The following KIFC3 variants were observed in gnomAD, a reference collection of about 807,000 sequenced individuals.
KIFC3 encodes kinesin family member C3.
In KIFC3, 60 loss-of-function variants were observed where a neutral mutation model predicts 101.8. The observed-to-expected ratio is 0.59, with a 90% confidence interval of 0.48 to 0.73. The LOEUF (loss-of-function observed/expected upper bound fraction) is 0.73. KIFC3 is among the 30% of genes least tolerant of loss of function. The pLI is 0.00. For synonymous variants in KIFC3, 476 were observed against 482.7 expected (o/e 0.99, Z 0.18); for missense variants, 966 against 1,137.1 (o/e 0.85, Z 2.16).
intron 9 of KIFC3, among the ~76,000 whole-genome samples, chr16:57,768,531 A>ACACACACACACACACACACG (rs2050755124): frequency 1.3e-5 from 2 of 151,718 alleles, no homozygotes; most frequent in Admixed American, 6.6e-5. Context: ...ACACACACAC[A>ACACACACACACACACACACG]CACACGCACA....
chr16:57,782,644 T>C (rs1320170910), intron 3 of KIFC3, among the ~76,000 whole-genome samples: 1 of 152,108 alleles, frequency 6.6e-6, no homozygotes. Context: ...AGAGCTGCAG[T>C]CAGAAGGTTC....
rs1555593770 is a variant in KIFC3 at position 57,759,736 on chromosome 16, T to C, written c.2468A>G (p.Gln823Arg). 9 of 1,609,376 alleles carry C rather than the reference T, an allele frequency of 5.6e-6. No homozygotes were observed. The highest frequency in any genetic ancestry group is 6.8e-6 in the Non-Finnish European group (8 of 1,177,920). Residue 823 changes from glutamine to arginine, a missense_variant, in exon 18 of 20, where the codon CAG becomes CGG. Transcript: ENST00000445690. ...SRPGSIRRKL[Q>R]PSA Reference sequence around the variant, plus strand: ...TGCCACTCCAGGCTCACCCGAGGGCTGCAGCTTCCTCCGGATGGATCCAGG... The same window carrying C: ...TGCCACTCCAGGCTCACCCGAGGGCCGCAGCTTCCTCCGGATGGATCCAGG...
rs1020615456 is a variant in KIFC3, at chr16:57,798,268, G to C, written c.-25C>G. ...TGGCCTGGGGCTCAGCAGCCTCCTCGGGGCACCAGGCAGCCTGCGGAGAGA... is the reference window on the plus strand; with the variant it reads ...TGGCCTGGGGCTCAGCAGCCTCCTCCGGGCACCAGGCAGCCTGCGGAGAGA... On this transcript the variant is annotated 5_prime_UTR_variant, in exon 2 of 20. Transcript: ENST00000445690. The C allele has an allele frequency of 1.9e-6, 3 of 1,550,326 alleles. No homozygotes were observed. The highest frequency in any genetic ancestry group is 2.4e-5 in the East Asian group (1 of 41,486).
chr16:57,815,731 C>T (rs1555628654), intron 1 of KIFC3: 16 of 1,132,166 alleles, frequency 1.4e-5, no homozygotes, highest in Non-Finnish European at 1.7e-5. Context: ...CTCAACTCCA[C>T]CCAGCCATGG....
In KIFC3 at chr16:57,759,171, G is replaced by C; in HGVS notation, c.2477-18C>G. 1 of 1,550,942 alleles carries C rather than the reference G, an allele frequency of 6.4e-7. No individual in the cohort carries two copies. The highest frequency in any genetic ancestry group is 2.4e-5 in the East Asian group (1 of 40,918). ...CCGTCAGGCTGAAATCAAAGTGACA[G>C]GCGTCTCACTGGTGGGCTTGCCTTG... On this transcript the variant is annotated intron_variant, in intron 18 of 19. Coordinates refer to ENST00000445690, the MANE Select transcript of KIFC3 (RefSeq NM_001130100.2).
intron 3 of KIFC3, chr16:57,774,725 C>T (rs2051808873): frequency 8.2e-6 from 4 of 485,976 alleles, no homozygotes; most frequent in Non-Finnish European, 1.4e-5. Context: ...AAGGGTCTTG[C>T]CATTTTGCCC....
At chr16:57,860,022 A>AAAAAATAAAATAAATAAAAT (rs2056260237) in intron 1 of KIFC3, among the ~76,000 whole-genome samples, 1 of 86,852 alleles carries the variant, frequency 1.2e-5, no homozygotes, top group Admixed American at 1.2e-4. Context: ...ACTCTGTCTC[A>AAAAAATAAAATAAATAAAAT]AAAATAAAAT....
At chr16:57,808,788 A>C (rs2055002345) in intron 1 of KIFC3, among the ~76,000 whole-genome samples, 1 of 152,124 alleles carries the variant, frequency 6.6e-6, no homozygotes, top group South Asian at 2.1e-4. Flanking sequence ...TGGCTCAGTC[A>C]CTTCTGCTGT....
intron 1 of KIFC3, among the ~76,000 whole-genome samples, chr16:57,799,385 G>C (rs2054577967): frequency 6.6e-6 from 1 of 152,092 alleles, no homozygotes; most frequent in Non-Finnish European, 1.5e-5. Context: ...GAGCTTCCTG[G>C]GCTGTCGACT....
At chr16:57,843,414 A>G (rs1281650612) in intron 1 of KIFC3, among the ~76,000 whole-genome samples, 1 of 152,132 alleles carries the variant, frequency 6.6e-6, no homozygotes, top group Admixed American at 6.6e-5. Context: ...GGCCCATTTC[A>G]CAAAGGAGGA....
At chr16:57,802,792 C>T, upstream of KIFC3, 1 of 764,834 alleles carries the variant, frequency 1.3e-6, no homozygotes, top group Non-Finnish European at 2.2e-6. The surrounding 1 kb of genome is among the most constrained non-coding windows in gnomAD (Gnocchi z 5.0). Flanking sequence ...GGCTGGCACA[C>T]ACGAGGCAGC....
At chr16:57,774,689 AT>A (rs34004359) in intron 3 of KIFC3, 87,463 of 296,162 alleles carry the variant, frequency 0.3, 5,769 homozygotes, top group African/African-American at 0.44. Flanking sequence ...CGCCCGGCTA[AT>A]TTTTTTTTTT....
chr16:57,803,165 C>A, upstream of KIFC3: 1 of 846,336 alleles, frequency 1.2e-6, no homozygotes, highest in Non-Finnish European at 1.9e-6. Flanking sequence ...TGCCTGGAGT[C>A]CCTTAAGGTA....
At chr16:57,791,426 G>A (rs1056169347) in intron 3 of KIFC3, among the ~76,000 whole-genome samples, 1 of 152,206 alleles carries the variant, frequency 6.6e-6, no homozygotes, top group African/African-American at 2.4e-5. Flanking sequence ...GGCCCTGGGG[G>A]GTTGGGAATT....
chr16:57,770,407 G>A, intron 7 of KIFC3, 120 bp downstream of exon 7: 9 of 909,846 alleles, frequency 9.9e-6, no homozygotes, highest in Non-Finnish European at 1.4e-5. Context: ...CGTGGCCATC[G>A]GGGAGAGGAG....
At chr16:57,770,756 A>G in intron 6 of KIFC3, 56 bp from the exon 7 acceptor site, 1 of 1,345,686 alleles carries the variant, frequency 7.4e-7, no homozygotes, top group Non-Finnish European at 9.7e-7. Flanking sequence ...ACCTCACCCA[A>G]GAGCCTGAGA....
At chr16:57,792,421 A>T (rs1417694591) in intron 3 of KIFC3, among the ~76,000 whole-genome samples, 2 of 152,212 alleles carry the variant, frequency 1.3e-5, no homozygotes, top group Non-Finnish European at 2.9e-5. Context: ...CTGTTGAACA[A>T]ATGCATTAAT....
At chr16:57,856,359 A>G (rs1157601387) in intron 1 of KIFC3, among the ~76,000 whole-genome samples, 4 of 151,316 alleles carry the variant, frequency 2.6e-5, no homozygotes, top group Non-Finnish European at 4.4e-5. Flanking sequence ...CACACCCCTG[A>G]GGTCCCAGCT....
intron 3 of KIFC3, 142 bp downstream of exon 3, chr16:57,794,857 T>A: frequency 1.5e-6 from 1 of 660,190 alleles, no homozygotes; most frequent in South Asian, 2.5e-5. Flanking sequence ...GGCAGAGGGG[T>A]CATGAGGGGC....
Sources: allele counts gnomAD v4.1 joint callset (sites outside exome capture counted in the v4.1 genomes callset), GRCh38; gene constraint gnomAD v4.1.1; non-coding constraint Gnocchi (gnomAD v3.1); transcripts MANE v1.5; gene names NCBI Gene and HGNC (gene_info 2026-07-23, HGNC 2026-07-21).